TENM2: variants seen among roughly 807,000 people sequenced by gnomAD.
TENM2 encodes teneurin-2.
A neutral mutation model predicts 245.2 loss-of-function variants in TENM2; 52 were observed. That is an observed-to-expected ratio of 0.21 (90% CI 0.17 to 0.27). The LOEUF (loss-of-function observed/expected upper bound fraction) is 0.27, where lower values mean the gene tolerates loss of function less well. Among genes scored for constraint, TENM2 ranks in the 10% least tolerant of loss-of-function variants. The pLI is 1.00. For synonymous variants in TENM2, 1,363 were observed against 1,438.9 expected (o/e 0.95, Z 1.19); for missense variants, 3,046 against 3,666.8 (o/e 0.83, Z 4.37).
the TENM2 span, among the ~76,000 whole-genome samples, chr5:167,069,301 A>T: frequency 6.6e-6 from 1 of 152,106 alleles, no homozygotes; most frequent in Non-Finnish European, 1.5e-5. Flanking sequence ...TTTGTGTAAG[A>T]TATGTAGTCT....
intron 2 of TENM2, among the ~76,000 whole-genome samples, chr5:167,615,621 C>G (rs1474335291): frequency 2.0e-5 from 3 of 152,086 alleles, no homozygotes; most frequent in Non-Finnish European, 2.9e-5. Flanking sequence ...ACTTAGACCT[C>G]TGACATGGCA....
intron 12 of TENM2, among the ~76,000 whole-genome samples, chr5:168,138,516 G>A (rs907486807): frequency 6.6e-6 from 1 of 152,200 alleles, no homozygotes; most frequent in Non-Finnish European, 1.5e-5. Flanking sequence ...GAAGCCAAGG[G>A]TGCCACACCT....
At chr5:167,068,536 A>C in the TENM2 span, among the ~76,000 whole-genome samples, 1 of 152,106 alleles carries the variant, frequency 6.6e-6, no homozygotes, top group African/African-American at 2.4e-5. Context: ...TGTTATTGAG[A>C]TATTTTGCAT....
At chr5:168,001,695 GT>G (rs1485656395) in intron 5 of TENM2, among the ~76,000 whole-genome samples, 15 of 152,108 alleles carry the variant, frequency 9.9e-5, no homozygotes, top group Non-Finnish European at 2.1e-4. Context: ...ACTTTTTTGT[GT>G]CCCACATTGA....
chr5:167,017,838 T>C, the TENM2 span, among the ~76,000 whole-genome samples: 1 of 152,206 alleles, frequency 6.6e-6, no homozygotes, highest in Non-Finnish European at 1.5e-5. Flanking sequence ...TCCCAGGTCA[T>C]GTTGCCACTT....
chr5:167,350,021 T>C (rs1199052230), intron 1 of TENM2, among the ~76,000 whole-genome samples: 2 of 152,204 alleles, frequency 1.3e-5, no homozygotes, highest in African/African-American at 4.8e-5. Flanking sequence ...CATATCAGAA[T>C]GGTGTCAAAT....
chr5:167,713,864 T>G (rs1759076393), intron 2 of TENM2, among the ~76,000 whole-genome samples: 1 of 152,228 alleles, frequency 6.6e-6, no homozygotes, highest in Non-Finnish European at 1.5e-5. Context: ...CCCTTCAGCA[T>G]TCCCAATATT....
chr5:167,079,111 C>G, the TENM2 span, among the ~76,000 whole-genome samples: 1 of 151,876 alleles, frequency 6.6e-6, no homozygotes, highest in Admixed American at 6.6e-5. Context: ...CCATGAATGA[C>G]CAAGAAAGTG....
At chr5:168,120,646 G>A (rs1054589150) in intron 10 of TENM2, among the ~76,000 whole-genome samples, 2 of 152,198 alleles carry the variant, frequency 1.3e-5, no homozygotes, top group Non-Finnish European at 2.9e-5. Context: ...GAATCATTAT[G>A]AAAGGATGAA....
chr5:166,987,301 AG>A, the TENM2 span, among the ~76,000 whole-genome samples: 144 of 152,100 alleles, frequency 9.5e-4, 3 homozygotes, highest in East Asian at 0.021. Context: ...CAGTTTGGGG[AG>A]GGGGGAAAAT....
At chr5:167,863,847 T>C in intron 2 of TENM2, among the ~76,000 whole-genome samples, 1 of 152,172 alleles carries the variant, frequency 6.6e-6, no homozygotes, top group Admixed American at 6.6e-5. Context: ...TGGAGATTTT[T>C]CAGATACAAG....
chr5:167,701,484 C>T (rs1005902881), intron 2 of TENM2, among the ~76,000 whole-genome samples: 10 of 151,992 alleles, frequency 6.6e-5, no homozygotes, highest in Non-Finnish European at 1.2e-4. Context: ...TATACCTTCT[C>T]ACGTTCCAGT....
At chr5:167,211,230 C>T in the TENM2 span, among the ~76,000 whole-genome samples, 2 of 152,182 alleles carry the variant, frequency 1.3e-5, no homozygotes, top group African/African-American at 2.4e-5. Flanking sequence ...TCGTGGCTAA[C>T]TTGAAACTGC....
intron 12 of TENM2, among the ~76,000 whole-genome samples, chr5:168,158,564 T>TG (rs1757400139): frequency 6.6e-6 from 1 of 151,726 alleles, no homozygotes; most frequent in Non-Finnish European, 1.5e-5. Flanking sequence ...TTCTTCATTG[T>TG]GGGGCCTGTC....
intron 1 of TENM2, among the ~76,000 whole-genome samples, chr5:167,362,664 G>A (rs537457110): frequency 2.0e-5 from 3 of 152,222 alleles, no homozygotes; most frequent in South Asian, 2.1e-4. Flanking sequence ...TGTTAGCAGC[G>A]TCTCTACTGA....
intron 2 of TENM2, among the ~76,000 whole-genome samples, chr5:167,611,525 A>T (rs1424502158): frequency 6.6e-6 from 1 of 152,160 alleles, no homozygotes; most frequent in Non-Finnish European, 1.5e-5. Flanking sequence ...TGTTCATGCC[A>T]GCAGGAAGGG....
At chr5:167,492,219 C>G (rs1287997969) in intron 2 of TENM2, among the ~76,000 whole-genome samples, 1 of 151,952 alleles carries the variant, frequency 6.6e-6, no homozygotes, top group Non-Finnish European at 1.5e-5. Context: ...ATTTATGAGG[C>G]AGTATAGGGT....
chr5:167,801,109 A>AAAAAATATATATATATAT (rs1444227809), intron 2 of TENM2, among the ~76,000 whole-genome samples: 1 of 66,556 alleles, frequency 1.5e-5, no homozygotes, highest in Non-Finnish European at 2.7e-5. Flanking sequence ...AAAAAAAAAA[A>AAAAAATATATATATATAT]ATATATATAT....
intron 2 of TENM2, among the ~76,000 whole-genome samples, chr5:167,863,115 A>G (rs1771975045): frequency 6.6e-6 from 1 of 152,188 alleles, no homozygotes; most frequent in Admixed American, 6.5e-5. Context: ...TCTCTTCAAG[A>G]CGGTTTGCTC....
Sources: allele counts gnomAD v4.1 joint callset (sites outside exome capture counted in the v4.1 genomes callset), GRCh38; gene constraint gnomAD v4.1.1; transcripts MANE v1.5; gene names NCBI Gene and HGNC (gene_info 2026-07-23, HGNC 2026-07-21).